Variants in RC3H2 observed in about 807,000 individuals in gnomAD.
The protein encoded by RC3H2 is ring finger and CCCH-type domains 2.
In RC3H2, 31 loss-of-function variants were observed where a neutral mutation model predicts 133.3. The ratio of observed to expected loss-of-function variants is 0.23; its 90% CI spans 0.17 to 0.31. The LOEUF (loss-of-function observed/expected upper bound fraction) is 0.31, where lower values mean the gene tolerates loss of function less well. Among genes scored for constraint, RC3H2 ranks in the 10% least tolerant of loss-of-function variants. The probability of loss-of-function intolerance (pLI) is 1.00; values close to 1 mark genes in which losing one functional copy is unlikely to be tolerated. For synonymous variants in RC3H2, 517 were observed against 502.2 expected, an observed-to-expected ratio of 1.03 and a Z score of -0.40; for missense variants, 1,175 against 1,437.2, an observed-to-expected ratio of 0.82 and a Z score of 2.95.
chr9:122,869,244 G>T (rs1053984103), intron 9 of RC3H2, among the ~76,000 whole-genome samples: 1 of 151,964 alleles, frequency 6.6e-6, no homozygotes, highest in Non-Finnish European at 1.5e-5. Context: ...TTAAGTTCAC[G>T]AACAGAAAGA....
chr9:122,890,072 T>A, intron 4 of RC3H2: 1 of 595,630 alleles, frequency 1.7e-6, no homozygotes, highest in Middle Eastern at 4.4e-4. Flanking sequence ...AGCATGGATG[T>A]CGAGGCTGCA....
chr9:122,872,369 T>C (rs1487031210), intron 9 of RC3H2, among the ~76,000 whole-genome samples: 1 of 152,206 alleles, frequency 6.6e-6, no homozygotes, highest in African/African-American at 2.4e-5. Flanking sequence ...TGTGGACCAA[T>C]ATAGAAGTTT....
Position 122,855,263 on chromosome 9 carries a change from G to T in RC3H2, c.2736C>A (p.Ser912=). 2 of 1,614,130 alleles carry T rather than the reference G, an allele frequency of 1.2e-6. No individual in the cohort carries two copies. The highest frequency in any genetic ancestry group is 1.7e-6 in the Non-Finnish European group (2 of 1,180,030). ...GATCTGTGGTATGGTAACCTGTACG[G>T]GAAGATCTGGAAATCGCACCCCATT... ...ISKWGAISRS[S]RTGYHTTDPV... Residue 912 remains serine (S), a synonymous_variant, in exon 15 of 21, where the codon TCC becomes TCA. Transcript: ENST00000357244.
intron 20 of RC3H2, among the ~76,000 whole-genome samples, chr9:122,850,713 A>C (rs1480439610): frequency 6.6e-6 from 1 of 152,174 alleles, no homozygotes; most frequent in East Asian, 1.9e-4. Context: ...CTGGGATTAC[A>C]GCCATGAGCC....
Position 122,865,336 on chromosome 9 carries a change from A to C in RC3H2, c.1634+13T>G, listed in dbSNP as rs765964367. 2.7e-5 allele frequency: 42 copies of C among 1,583,240 alleles called. No individual in the cohort carries two copies. The highest frequency in any genetic ancestry group is 3.4e-5 in the Non-Finnish European group (39 of 1,161,540). ...AAAAGAATTTCCAGTAATCATTTTT[A>C]CCTAATACCTACTTTTCAGTTACAG... On this transcript the variant is annotated intron_variant, in intron 10 of 20. Coordinates refer to ENST00000357244, the MANE Select transcript of RC3H2 (RefSeq NM_001100588.3).
intron 9 of RC3H2, among the ~76,000 whole-genome samples, chr9:122,870,435 G>T (rs1380335417): frequency 6.6e-6 from 1 of 150,648 alleles, no homozygotes; most frequent in South Asian, 2.1e-4. Context: ...AACAAACTGA[G>T]ATAATCCACA....
Position 122,849,143 on chromosome 9 carries a change from C to T in RC3H2, c.*484G>A, listed in dbSNP as rs1457457507. 6.6e-6 allele frequency: 1 copy of T among 151,908 alleles called. No homozygotes were observed. Among genetic ancestry groups the T allele is most frequent in the Non-Finnish European group, 1.5e-5 (1 of 67,956 alleles). 9.4% of individuals were successfully genotyped at this position (151,908 alleles called of 1,614,324 possible). On this transcript the variant is annotated 3_prime_UTR_variant, in exon 21 of 21. Coordinates refer to ENST00000357244, the MANE Select transcript of RC3H2 (RefSeq NM_001100588.3). ...AGAAAAAGAAATCCATGCAAAGTTC[C>T]ATGAAAAAGATAAATAAAGCAGCTG...
At chr9:122,888,196 G>C (rs1255671754) in intron 4 of RC3H2, among the ~76,000 whole-genome samples, 1 of 152,062 alleles carries the variant, frequency 6.6e-6, no homozygotes, top group Non-Finnish European at 1.5e-5. Flanking sequence ...TATAATTTAG[G>C]ATTTATTATA....
At chr9:122,889,061 G>A (rs1488500376) in intron 4 of RC3H2, among the ~76,000 whole-genome samples, 2 of 152,232 alleles carry the variant, frequency 1.3e-5, no homozygotes, top group East Asian at 3.9e-4. Context: ...TCAGTTGGTT[G>A]TTGGTCTTTT....
intron 8 of RC3H2, 32 bp downstream of exon 8, chr9:122,879,723 A>G (rs1321468741): frequency 2.1e-6 from 3 of 1,412,364 alleles, no homozygotes; most frequent in Non-Finnish European, 3.0e-6. Context: ...GTTAGAGACA[A>G]CAGCAGTCAG....
At chr9:122,862,221 G>T (rs1830483186) in intron 10 of RC3H2, among the ~76,000 whole-genome samples, 1 of 151,344 alleles carries the variant, frequency 6.6e-6, no homozygotes, top group Non-Finnish European at 1.5e-5. Context: ...TAATCTTCAA[G>T]GCAACAAGAT....
At chr9:122,891,746 T>C (rs1832184934) in intron 3 of RC3H2, among the ~76,000 whole-genome samples, 3 of 152,342 alleles carry the variant, frequency 2.0e-5, no homozygotes, top group South Asian at 2.1e-4. Flanking sequence ...AAAATCACTA[T>C]GGCCACATAC....
intron 18 of RC3H2, chr9:122,851,648 C>A: frequency 1.1e-5 from 6 of 568,090 alleles, no homozygotes; most frequent in Non-Finnish European, 1.8e-5. Context: ...AGGCGCGCGC[C>A]GCCACGCCTG....
chr9:122,857,866 T>C (rs1830305083), intron 13 of RC3H2, 57 bp downstream of exon 13: 8 of 1,472,980 alleles, frequency 5.4e-6, no homozygotes, highest in Non-Finnish European at 7.5e-6. Flanking sequence ...AATGAGTAAT[T>C]TGAAGTCAGC....
At position 122,858,760 on chromosome 9, in the gene RC3H2, G is replaced by C; in HGVS notation, c.2192C>G (p.Ser731Cys). 6.2e-7 allele frequency: 1 copy of C among 1,614,218 alleles called. No individual in the cohort carries two copies. The highest frequency in any genetic ancestry group is 8.5e-7 in the Non-Finnish European group (1 of 1,180,034). Residue 731 changes from serine to cysteine, a missense_variant, in exon 12 of 21, where the codon TCT becomes TGT. Ser to Cys is a moderately radical substitution (Grantham distance 112, BLOSUM62 -1). Coordinates refer to ENST00000357244, the MANE Select transcript of RC3H2 (RefSeq NM_001100588.3). Reference protein sequence around the residue: ...DVMHSSVYQTSLRERYNSLDG... With the variant: ...DVMHSSVYQTCLRERYNSLDG... ...TAATGAGTTATATCTTTCCCGCAAA[G>C]ATGTCTGATAGACAGATGAGTGCAT...
chr9:122,853,324 T>G (rs1421273700), intron 18 of RC3H2, among the ~76,000 whole-genome samples: 1 of 148,636 alleles, frequency 6.7e-6, no homozygotes, highest in Non-Finnish European at 1.5e-5. Context: ...CCTCCACTAT[T>G]GTCCTATGAC....
At chr9:122,855,153 T>A in intron 15 of RC3H2, 31 bp downstream of exon 15, 137 of 1,222,268 alleles carry the variant, frequency 1.1e-4, no homozygotes, top group Non-Finnish European at 1.5e-4. Flanking sequence ...GCTTAGAACA[T>A]ATCAGGCTAG....
intron 9 of RC3H2, among the ~76,000 whole-genome samples, chr9:122,868,922 G>GTTTGGGGGT (rs1830922421): frequency 9.1e-6 from 1 of 109,460 alleles, no homozygotes; most frequent in African/African-American, 3.9e-5. Context: ...TTGTGGGGGG[G>GTTTGGGGGT]TTAAGTTCCA....
intron 2 of RC3H2, among the ~76,000 whole-genome samples, chr9:122,893,437 T>C (rs1832274345): frequency 6.6e-6 from 1 of 152,198 alleles, no homozygotes; most frequent in South Asian, 2.1e-4. Context: ...GAGGTTGCAG[T>C]GAGCTGAGAT....
Sources: gnomAD v4.1 joint callset for allele counts (sites outside exome capture counted in the v4.1 genomes callset) on GRCh38, gnomAD v4.1.1 for gene constraint, MANE v1.5 for transcripts, NCBI Gene and HGNC (gene_info 2026-07-23, HGNC 2026-07-21) for gene names.